DLST: variants seen among roughly 807,000 people sequenced by gnomAD.
DLST encodes the protein dihydrolipoamide S-succinyltransferase, also known as dihydrolipoyllysine-residue succinyltransferase component of 2-oxoglutarate dehydrogenase complex, mitochondrial.
Under a neutral mutation model 53.1 loss-of-function variants are expected in DLST, and 17 were observed. The ratio of observed to expected loss-of-function variants is 0.32; its 90% confidence interval spans 0.22 to 0.48. The LOEUF (loss-of-function observed/expected upper bound fraction) is 0.48, where lower values mean the gene tolerates loss of function less well. DLST is among the 20% of genes least tolerant of loss of function. The probability of loss-of-function intolerance (pLI) is 0.99; values close to 1 mark genes in which losing one functional copy is unlikely to be tolerated. For missense variants in DLST, 512 were observed against 583.9 expected (o/e 0.88, Z 1.27); for synonymous variants, 206 against 204.8 (o/e 1.01, Z -0.05).
chr14:74,896,909 G>A (rs1310853585), intron 10 of DLST, among the ~76,000 whole-genome samples: 1 of 152,338 alleles, frequency 6.6e-6, no homozygotes, highest in African/African-American at 2.4e-5. Flanking sequence ...ATGGCCTGCG[G>A]TCTTGCTGCA....
rs1466409451 is a variant in DLST at position 74,891,162 on chromosome 14, C to G, written c.437C>G (p.Thr146Ser). Residue 146 changes from threonine to serine, a missense_variant, in exon 7 of 15, where the codon ACT (threonine) becomes AGT (serine). Around this residue, in one of 4 missense-constraint regions of DLST, gnomAD observed 162 missense variants for 162.0 expected, o/e 1.00. Coordinates refer to ENST00000334220, the MANE Select transcript of DLST (RefSeq NM_001933.5). ...GGTPLFTLRK[T>S]GAAPAKAKPA... The stretch of plus-strand genomic sequence containing the variant: ...ACTCCACTTTTCACACTCAGGAAAA[C>G]TGGTGGTAAAGAAGTTCTCCTGGTG... The G allele has an allele frequency of 6.2e-7, 1 of 1,614,096 alleles. No homozygotes were observed. Among genetic ancestry groups the G allele is most frequent in the Non-Finnish European group, 8.5e-7 (1 of 1,179,972 alleles).
At chr14:74,893,309 T>C (rs749362830) in intron 8 of DLST, 39 bp from the exon 9 acceptor site, 1 of 1,611,700 alleles carries the variant, frequency 6.2e-7, no homozygotes, top group East Asian at 2.2e-5. Context: ...GATGTTTCTT[T>C]CCTTGTCTGA....
intron 2 of DLST, among the ~76,000 whole-genome samples, chr14:74,883,177 C>T (rs1383606652): frequency 1.3e-5 from 2 of 152,114 alleles, no homozygotes; most frequent in African/African-American, 4.8e-5. Flanking sequence ...CGCCTGTAGT[C>T]CCAGCTCCTC....
chr14:74,882,092 G>T (rs1056691900), intron 1 of DLST, 76 bp downstream of exon 1: 2 of 1,326,806 alleles, frequency 1.5e-6, no homozygotes, highest in African/African-American at 3.1e-5. Flanking sequence ...GGAAGGCAGG[G>T]GCGCGGCGCG....
In DLST at chr14:74,892,988, T is replaced by G; in HGVS notation, c.595+2T>G. The G allele has an allele frequency of 6.2e-7, 1 of 1,609,570 alleles. No individual in the cohort carries two copies. The highest frequency in any genetic ancestry group is 8.5e-7 in the Non-Finnish European group (1 of 1,178,428). On this transcript the variant is annotated splice_donor_variant, in intron 8 of 14. Coordinates refer to ENST00000334220, the MANE Select transcript of DLST (RefSeq NM_001933.5). LOFTEE classifies it high-confidence loss of function. Reference sequence around the variant, plus strand: ...CACAGCCTCCTTCTGGCAAACCTGGTAGGCTTCCAACTCCCACATGTCATG... The same window carrying G: ...CACAGCCTCCTTCTGGCAAACCTGGGAGGCTTCCAACTCCCACATGTCATG...
chr14:74,889,367 ATTTTTTTTTT>A lies in DLST; in HGVS notation c.274+29_274+38del. 7.4e-6 allele frequency: 9 copies of A among 1,210,310 alleles called. No homozygotes were observed. In the South Asian group the frequency reaches 1.3e-4, roughly 17 times the overall value. The allele number at this position is 1,210,310 out of a possible 1,614,324, so 75.0% of individuals were successfully genotyped here. On this transcript the variant is annotated intron_variant, in intron 5 of 14. Coordinates refer to ENST00000334220, the MANE Select transcript of DLST (RefSeq NM_001933.5). ...GGAGAAAGGTAAGATTTAGTTTCCT[ATTTTTTTTTT>A]TTTTTTTTTTGAGACAGAGTCTTGC...
At chr14:74,893,977 GA>G (rs775570779) in intron 9 of DLST, among the ~76,000 whole-genome samples, 12 of 152,212 alleles carry the variant, frequency 7.9e-5, no homozygotes, top group Non-Finnish European at 1.5e-4. Flanking sequence ...TTTATCAACA[GA>G]AAGTGCCCTT....
intron 12 of DLST, 126 bp from the exon 13 acceptor site, chr14:74,900,159 ACTTT>A: frequency 9.1e-7 from 1 of 1,103,166 alleles, no homozygotes; most frequent in South Asian, 1.3e-5. Flanking sequence ...TTCTTTTAAC[ACTTT>A]CTGTTAATCA....
chr14:74,882,538 C>G, intron 1 of DLST, 53 bp from the exon 2 acceptor site: 1 of 1,594,500 alleles, frequency 6.3e-7, no homozygotes, highest in South Asian at 1.1e-5. Context: ...AAAGAAAAAG[C>G]TGGGTTTTTT....
intron 7 of DLST, chr14:74,891,592 C>A: frequency 1.0e-6 from 1 of 989,616 alleles, no homozygotes; most frequent in African/African-American, 1.7e-5. Flanking sequence ...AGTGTTGTTT[C>A]TTTTCACATC....
chr14:74,896,214 A>C (rs1211949891), intron 10 of DLST, among the ~76,000 whole-genome samples: 1 of 152,244 alleles, frequency 6.6e-6, no homozygotes, highest in Non-Finnish European at 1.5e-5. Flanking sequence ...CTTGTGGAGA[A>C]AGGTCATTCC....
chr14:74,887,580 T>C (rs1883750889), intron 3 of DLST, among the ~76,000 whole-genome samples: 2 of 152,118 alleles, frequency 1.3e-5, no homozygotes, highest in South Asian at 2.1e-4. Flanking sequence ...TTACTAATAG[T>C]ATTATATTTA....
chr14:74,887,545 T>G (rs1301014548), intron 3 of DLST, among the ~76,000 whole-genome samples: 4 of 152,266 alleles, frequency 2.6e-5, no homozygotes, highest in Admixed American at 2.6e-4. Context: ...TCTTTTATTG[T>G]AAAACAATTT....
intron 1 of DLST, 38 bp from the exon 2 acceptor site, chr14:74,882,553 A>G (rs751864389): frequency 1.7e-5 from 28 of 1,609,230 alleles, no homozygotes; most frequent in Non-Finnish European, 1.4e-5. Flanking sequence ...TTTTTTTTTC[A>G]TCTTGGGTGA....
Position 74,881,951 on chromosome 14 carries a change from G to C in DLST, c.-3G>C. ...TCCGCCCGCCCTCGGCTCCTCCGCC[G>C]TGATGCTGTCCCGATCCCGCTGTGT... On this transcript the variant is annotated 5_prime_UTR_variant, in exon 1 of 15. Transcript: ENST00000334220. 2.4e-5 allele frequency: 37 copies of C among 1,554,764 alleles called. No homozygotes were observed. The highest frequency in any genetic ancestry group is 3.1e-5 in the Non-Finnish European group (36 of 1,157,442).
At chr14:74,890,002 A>T in intron 6 of DLST, 50 bp downstream of exon 6, 1 of 1,550,304 alleles carries the variant, frequency 6.5e-7, no homozygotes, top group Non-Finnish European at 8.9e-7. Context: ...TCCCTTAGTT[A>T]ACCTAATGAA....
chr14:74,891,360 A>G, intron 7 of DLST, 193 bp downstream of exon 7: 9 of 1,317,348 alleles, frequency 6.8e-6, no homozygotes, highest in Non-Finnish European at 8.9e-6. Context: ...TGTATTTTTT[A>G]AAAAATAAAC....
chr14:74,888,213 T>C (rs979803924), intron 3 of DLST, among the ~76,000 whole-genome samples: 2 of 152,068 alleles, frequency 1.3e-5, no homozygotes, highest in African/African-American at 4.8e-5. Flanking sequence ...TGCTGTTTTC[T>C]AGCAAGAGAA....
At chr14:74,900,446 C>A in intron 13 of DLST, 74 bp downstream of exon 13, 1 of 1,363,606 alleles carries the variant, frequency 7.3e-7, no homozygotes, top group Non-Finnish European at 1.0e-6. Context: ...GGCTCACTAG[C>A]AAGCAGTGCT....
Sources: gnomAD v4.1 joint callset for allele counts (sites outside exome capture counted in the v4.1 genomes callset) on GRCh38, gnomAD v4.1.1 for gene constraint, gnomAD v4.1.1 regional missense constraint, MANE v1.5 for transcripts, NCBI Gene and HGNC (gene_info 2026-07-23, HGNC 2026-07-21) for gene names.